PTPRO: variants seen among roughly 807,000 people sequenced by gnomAD.
PTPRO encodes receptor-type tyrosine-protein phosphatase O.
In PTPRO, 62 loss-of-function variants were observed where a neutral mutation model predicts 145.2. That is an observed-to-expected ratio of 0.43 (90% CI 0.35 to 0.53). PTPRO has a LOEUF of 0.53. Among genes scored for constraint, PTPRO ranks in the 20% least tolerant of loss-of-function variants. PTPRO has a pLI of 0.01. For synonymous variants in PTPRO, 565 were observed against 514.7 expected (o/e 1.10, Z -1.32); for missense variants, 1,345 against 1,482.7 (o/e 0.91, Z 1.53).
chr12:15,563,291 C>T lies in PTPRO; in HGVS notation c.2712-2302C>T, dbSNP rs56101266. Among the ~76,000 whole-genome samples, 1,269 of 150,950 alleles carry T rather than the reference C, an allele frequency of 8.4e-3. 14 individuals are homozygous for T. Among genetic ancestry groups the T allele is most frequent in the African/African-American group, 0.029 (1,192 of 41,400 alleles). ...ATGAAAAGGCGAACCCTACATGTCA[C>T]ACAAAATCGTCACTGTAACATGTGC... is the stretch of plus-strand genomic sequence containing the variant. On this transcript the variant is annotated intron_variant, in intron 17 of 26. Transcript: ENST00000281171.
intron 1 of PTPRO, chr12:15,348,250 C>G (rs1937657700): frequency 1.3e-5 from 2 of 152,152 alleles, no homozygotes; most frequent in Admixed American, 1.3e-4. Context: ...GAAACGGCCA[C>G]AGAGAGACTC....
chr12:15,380,025 G>T (rs1364497185), intron 1 of PTPRO, among the ~76,000 whole-genome samples: 1 of 151,938 alleles, frequency 6.6e-6, no homozygotes, highest in Non-Finnish European at 1.5e-5. Flanking sequence ...TATGTTTATT[G>T]CTTCCATGAG....
chr12:15,515,987 G>GTTTTTTTTTTTTTTTT (rs1387922121), intron 8 of PTPRO, among the ~76,000 whole-genome samples: 8 of 80,660 alleles, frequency 9.9e-5, no homozygotes, highest in Non-Finnish European at 1.4e-4. Context: ...TTTTTTTTTT[G>GTTTTTTTTTTTTTTTT]TTTTGTTTTT....
chr12:15,558,553 C>T (rs1943696904), intron 16 of PTPRO, among the ~76,000 whole-genome samples: 1 of 152,188 alleles, frequency 6.6e-6, no homozygotes, highest in Non-Finnish European at 1.5e-5. Flanking sequence ...ATTAAGTAAA[C>T]ATTTAACATG....
chr12:15,561,083 A>G (rs1045845827), intron 17 of PTPRO, among the ~76,000 whole-genome samples: 1 of 152,142 alleles, frequency 6.6e-6, no homozygotes, highest in African/African-American at 2.4e-5. Context: ...GTGCTATAAG[A>G]TAAAAGGTAG....
intron 1 of PTPRO, among the ~76,000 whole-genome samples, chr12:15,454,720 G>C (rs561646542): frequency 1.3e-5 from 2 of 152,076 alleles, no homozygotes; most frequent in African/African-American, 4.8e-5. Context: ...TTCATGTCTC[G>C]TGTTTAAGTC....
intron 1 of PTPRO, among the ~76,000 whole-genome samples, chr12:15,351,218 A>G (rs1206738396): frequency 6.6e-6 from 1 of 152,220 alleles, no homozygotes; most frequent in Non-Finnish European, 1.5e-5. Flanking sequence ...AAAAGATGCC[A>G]TGAAACAACT....
At chr12:15,574,761 C>T (rs1944142135) in intron 19 of PTPRO, among the ~76,000 whole-genome samples, 1 of 152,124 alleles carries the variant, frequency 6.6e-6, no homozygotes, top group African/African-American at 2.4e-5. Flanking sequence ...TGGAAAATGA[C>T]TTGTTGGATT....
At chr12:15,567,856 C>A (rs538492631) in intron 18 of PTPRO, among the ~76,000 whole-genome samples, 1 of 152,290 alleles carries the variant, frequency 6.6e-6, no homozygotes, top group East Asian at 1.9e-4. Context: ...ACTCTCTTAG[C>A]CGTGGCTCTC....
intron 1 of PTPRO, chr12:15,348,325 G>A (rs1362363164): frequency 6.6e-6 from 1 of 152,218 alleles, no homozygotes; most frequent in Non-Finnish European, 1.5e-5. Flanking sequence ...GCAGGCAGTG[G>A]AAGGTGATAA....
intron 1 of PTPRO, among the ~76,000 whole-genome samples, chr12:15,351,327 T>C (rs540305552): frequency 6.6e-6 from 1 of 152,336 alleles, no homozygotes; most frequent in Non-Finnish European, 1.5e-5. Flanking sequence ...TTTATTCTTC[T>C]TATAGGAATT....
At chr12:15,373,111 A>G (rs1232470518) in intron 1 of PTPRO, among the ~76,000 whole-genome samples, 2 of 152,228 alleles carry the variant, frequency 1.3e-5, no homozygotes, top group Non-Finnish European at 2.9e-5. Context: ...AGAAGTAATT[A>G]CAGTACCGAT....
chr12:15,420,084 T>C (rs1312089125), intron 1 of PTPRO, among the ~76,000 whole-genome samples: 1 of 141,786 alleles, frequency 7.1e-6, no homozygotes. Context: ...GAGGCGGAGC[T>C]TGCAGTGAGC....
chr12:15,397,018 A>AT (rs77122528), intron 1 of PTPRO, among the ~76,000 whole-genome samples: 10,621 of 152,022 alleles, frequency 0.07, 396 homozygotes, highest in African/African-American at 0.085. Flanking sequence ...ATGAGTTGGA[A>AT]TTTTTTTTCT....
At chr12:15,580,166 G>A in intron 21 of PTPRO, 51 bp downstream of exon 21, 1 of 1,380,738 alleles carries the variant, frequency 7.2e-7, no homozygotes, top group Non-Finnish European at 1.0e-6. Flanking sequence ...GCCAGAGAAA[G>A]ACTAGCAGGG....
At chr12:15,391,938 C>T (rs950407995) in intron 1 of PTPRO, among the ~76,000 whole-genome samples, 4 of 152,090 alleles carry the variant, frequency 2.6e-5, no homozygotes, top group East Asian at 1.9e-4. Flanking sequence ...TAACAGCCAT[C>T]GACTGAGTGC....
chr12:15,549,303 C>A, intron 14 of PTPRO, 77 bp downstream of exon 14: 1 of 1,172,766 alleles, frequency 8.5e-7, no homozygotes, highest in Non-Finnish European at 1.1e-6. Flanking sequence ...ATCAATATTC[C>A]ACCAAGAAAT....
At chr12:15,533,314 G>T (rs764372657) in intron 12 of PTPRO, among the ~76,000 whole-genome samples, 1 of 152,090 alleles carries the variant, frequency 6.6e-6, no homozygotes, top group East Asian at 1.9e-4. Flanking sequence ...ATATCAAATG[G>T]AATATTGTTT....
intron 1 of PTPRO, among the ~76,000 whole-genome samples, chr12:15,468,108 A>G (rs750487630): frequency 6.6e-6 from 1 of 151,826 alleles, no homozygotes; most frequent in African/African-American, 2.4e-5. Context: ...TGTAATTTGA[A>G]TCCCAGTTTG....
Sources: allele counts gnomAD v4.1 joint callset (sites outside exome capture counted in the v4.1 genomes callset), GRCh38; gene constraint gnomAD v4.1.1; transcripts MANE v1.5; gene names NCBI Gene and HGNC (gene_info 2026-07-23, HGNC 2026-07-21).